RBFOX1: variants seen among roughly 807,000 people sequenced by gnomAD.
RBFOX1 encodes RNA binding protein fox-1 homolog 1.
In RBFOX1, 8 loss-of-function variants were observed where a neutral mutation model predicts 57.7. The ratio of observed to expected loss-of-function variants is 0.14; its 90% CI spans 0.08 to 0.25. The LOEUF (loss-of-function observed/expected upper bound fraction) is 0.25. Among genes scored for constraint, RBFOX1 ranks in the 10% least tolerant of loss-of-function variants. The pLI is 1.00. For missense variants in RBFOX1, 611 were observed against 548.5 expected, an observed-to-expected ratio of 1.11 and a Z score of -1.14; for synonymous variants, 326 against 222.4, an observed-to-expected ratio of 1.47 and a Z score of -4.15.
intron 3 of RBFOX1, among the ~76,000 whole-genome samples, chr16:5,759,392 C>G (rs754302114): frequency 1.3e-5 from 2 of 152,174 alleles, no homozygotes. Context: ...CGTCTCTCAC[C>G]ACCTTGTACA....
At chr16:5,369,637 A>T (rs565953334) in intron 1 of RBFOX1, among the ~76,000 whole-genome samples, 25 of 152,326 alleles carry the variant, frequency 1.6e-4, no homozygotes, top group African/African-American at 5.8e-4. Context: ...TATGCTGGGC[A>T]AACTTGCTTC....
intron 4 of RBFOX1, among the ~76,000 whole-genome samples, chr16:7,272,769 C>A (rs1755008009): frequency 6.6e-6 from 1 of 152,120 alleles, no homozygotes; most frequent in South Asian, 2.1e-4. Flanking sequence ...GAGGAGCATT[C>A]TCTTGCTTTG....
chr16:5,974,328 G>A (rs991231864), intron 4 of RBFOX1, among the ~76,000 whole-genome samples: 8 of 152,176 alleles, frequency 5.3e-5, no homozygotes, highest in Non-Finnish European at 1.0e-4. Flanking sequence ...AGAGATCTGG[G>A]CCAGGCACGG....
intron 2 of RBFOX1, among the ~76,000 whole-genome samples, chr16:6,570,808 A>G (rs1022800066): frequency 5.3e-5 from 8 of 152,136 alleles, no homozygotes; most frequent in African/African-American, 1.2e-4. Context: ...TATTATAACT[A>G]TTTTACTTTT....
chr16:7,591,591 A>C (rs112393139), intron 7 of RBFOX1, among the ~76,000 whole-genome samples: 1 of 152,168 alleles, frequency 6.6e-6, no homozygotes, highest in African/African-American at 2.4e-5. Flanking sequence ...CCTACTGATT[A>C]TACCTGCTCA....
chr16:7,232,323 G>C (rs1262896888), intron 4 of RBFOX1, among the ~76,000 whole-genome samples: 5 of 152,202 alleles, frequency 3.3e-5, no homozygotes, highest in Non-Finnish European at 7.3e-5. Context: ...GAAAACTTAA[G>C]TGAGATATAT....
At chr16:6,624,925 G>A (rs900794287) in intron 2 of RBFOX1, among the ~76,000 whole-genome samples, 6 of 152,036 alleles carry the variant, frequency 3.9e-5, no homozygotes, top group African/African-American at 9.7e-5. Context: ...CACTTTGGTC[G>A]AGGTCGAGGC....
At chr16:7,034,292 G>T (rs146318542) in intron 3 of RBFOX1, among the ~76,000 whole-genome samples, 67 of 152,264 alleles carry the variant, frequency 4.4e-4, no homozygotes, top group Middle Eastern at 6.8e-3. Context: ...ACTGGGTAAG[G>T]TCCCTGTAAG....
intron 3 of RBFOX1, among the ~76,000 whole-genome samples, chr16:5,679,096 T>C (rs976435344): frequency 6.6e-6 from 1 of 152,198 alleles, no homozygotes; most frequent in Non-Finnish European, 1.5e-5. Flanking sequence ...CATTTATGCC[T>C]TGTTGCAATA....
chr16:5,696,189 T>G (rs1303162259), intron 3 of RBFOX1, among the ~76,000 whole-genome samples: 1 of 152,230 alleles, frequency 6.6e-6, no homozygotes. Context: ...TTAAAATCCA[T>G]GAAAGAGCTG....
chr16:5,489,921 T>C (rs1237791283), intron 2 of RBFOX1, among the ~76,000 whole-genome samples: 3 of 152,186 alleles, frequency 2.0e-5, no homozygotes, highest in African/African-American at 7.2e-5. Context: ...AAGCGCTGAA[T>C]CCAAGGATGT....
Position 7,504,736 on chromosome 16 carries a change from TATATATATATATATATATTTATATA to T in RBFOX1, c.28-13410_28-13386del, listed in dbSNP as rs1567553760. Among the ~76,000 whole-genome samples the T allele has an allele frequency of 2.7e-3, 27 of 10,116 alleles. 3 individuals carry two copies. The highest frequency in any genetic ancestry group is 6.6e-3 in the African/African-American group (25 of 3,808). 6.6% of individuals were successfully genotyped at this position (10,116 alleles called of 152,430 possible). On this transcript the variant is annotated intron_variant, in intron 4 of 15. Coordinates refer to ENST00000550418, the MANE Select transcript of RBFOX1 (RefSeq NM_018723.4). ...ATATATATATATATATATATATATATATATATATATATATATATTTATATATATATATATTTATATATATATATAT... is the reference window on the plus strand; with the variant it reads ...ATATATATATATATATATATATATATTATATATATTTATATATATATATAT...
intron 3 of RBFOX1, among the ~76,000 whole-genome samples, chr16:6,933,006 G>A (rs1035047258): frequency 6.6e-6 from 1 of 152,098 alleles, no homozygotes; most frequent in African/African-American, 2.4e-5. Flanking sequence ...TTGTCTTTTT[G>A]TTACTGGTTT....
chr16:5,253,431 C>T (rs1274527986), intron 1 of RBFOX1, among the ~76,000 whole-genome samples: 5 of 152,166 alleles, frequency 3.3e-5, no homozygotes, highest in African/African-American at 4.8e-5. Flanking sequence ...GGATTACAGG[C>T]GTGAGCCACC....
In RBFOX1 at chr16:7,410,593, C is replaced by G. The variant is rs747489974; in HGVS notation, c.28-107554C>G. 3.7e-4 allele frequency among the ~76,000 whole-genome samples: 56 copies of G among 152,318 alleles called. No individual in the cohort carries two copies. The Middle Eastern group carries it at 0.01, about 28-fold the overall frequency. On this transcript the variant is annotated intron_variant, in intron 4 of 15. Transcript: ENST00000550418. The stretch of plus-strand genomic sequence containing the variant: ...TAAGGAGGCTGAGGCAGCAGAATCA[C>G]TTGAACCCAGAAGGCAGAGGTTGCA...
chr16:6,780,379 T>A (rs2080683771), intron 3 of RBFOX1, among the ~76,000 whole-genome samples: 3 of 104,804 alleles, frequency 2.9e-5, no homozygotes, highest in South Asian at 3.0e-4. Flanking sequence ...ATAGATATAT[T>A]TATACATATT....
At chr16:7,292,899 C>G (rs1050417542) in intron 4 of RBFOX1, among the ~76,000 whole-genome samples, 1 of 152,032 alleles carries the variant, frequency 6.6e-6, no homozygotes, top group Admixed American at 6.6e-5. Flanking sequence ...CTCAAAGACA[C>G]AGAAACAACT....
chr16:7,698,663 TGATTA>T (rs915305792), intron 14 of RBFOX1, among the ~76,000 whole-genome samples: 6 of 152,212 alleles, frequency 3.9e-5, no homozygotes, highest in African/African-American at 9.6e-5. Context: ...TTTAGTGATT[TGATTA>T]TTCAGCAAAG....
At chr16:6,138,337 C>T (rs776406697) in intron 1 of RBFOX1, among the ~76,000 whole-genome samples, 1 of 152,160 alleles carries the variant, frequency 6.6e-6, no homozygotes, top group South Asian at 2.1e-4. Flanking sequence ...GTAGCCAGTT[C>T]CAATACCATT....
Sources: gnomAD v4.1 joint callset for allele counts (sites outside exome capture counted in the v4.1 genomes callset) on GRCh38, gnomAD v4.1.1 for gene constraint, MANE v1.5 for transcripts, NCBI Gene and HGNC (gene_info 2026-07-23, HGNC 2026-07-21) for gene names.